Variants in STARD13 observed in about 807,000 individuals in gnomAD.
STARD13 encodes the protein StAR related lipid transfer domain containing 13, also known as stAR-related lipid transfer protein 13.
Under a neutral mutation model 106.4 loss-of-function variants are expected in STARD13, and 62 were observed. That is an observed-to-expected ratio of 0.58 (90% confidence interval 0.48 to 0.72). The LOEUF (loss-of-function observed/expected upper bound fraction) is 0.72, where lower values mean the gene tolerates loss of function less well. Among genes scored for constraint, STARD13 ranks in the 30% least tolerant of loss-of-function variants. The pLI is 0.00. For synonymous variants in STARD13, 565 were observed against 553.0 expected, an observed-to-expected ratio of 1.02 and a Z score of -0.31; for missense variants, 1,387 against 1,424.0, an observed-to-expected ratio of 0.97 and a Z score of 0.42.
chr13:33,496,623 A>T, the STARD13 span, among the ~76,000 whole-genome samples: 45,427 of 152,016 alleles, frequency 0.3, 7,660 homozygotes, highest in Non-Finnish European at 0.39. Context: ...CACATATAGT[A>T]TGTTTTTAAG....
At chr13:33,236,486 C>T (rs1382517573) in intron 1 of STARD13, among the ~76,000 whole-genome samples, 1 of 152,226 alleles carries the variant, frequency 6.6e-6, no homozygotes, top group East Asian at 1.9e-4. Context: ...GGTTAATCCT[C>T]TTAAGCCTTT....
At chr13:33,566,862 G>A in the STARD13 span, among the ~76,000 whole-genome samples, 9 of 147,934 alleles carry the variant, frequency 6.1e-5, 1 homozygote, top group East Asian at 1.8e-3. Flanking sequence ...GCTTACAGCA[G>A]GCCTACCATC....
rs111785137 is a variant in STARD13 at position 33,130,515 on chromosome 13, CT to C, written c.388-227del. ...AGAGGACCCTTCTCAACTTGCCAAA[CT>C]TTCTTCCTTCCCATTTTCAAAGAGG... On this transcript the variant is annotated intron_variant, in intron 4 of 13. Coordinates refer to ENST00000336934, the MANE Select transcript of STARD13 (RefSeq NM_178006.4). This position sits in a 1 kb window ranked among gnomAD's most constrained non-coding sequence, Gnocchi z 4.1. 2.0e-5 allele frequency among the ~76,000 whole-genome samples: 3 copies of C among 152,310 alleles called. No individual in the cohort carries two copies. The highest frequency in any genetic ancestry group is 7.2e-5 in the African/African-American group (3 of 41,578).
intron 1 of STARD13, among the ~76,000 whole-genome samples, chr13:33,324,321 G>C (rs559883839): frequency 1.1e-4 from 16 of 152,282 alleles, no homozygotes; most frequent in Admixed American, 9.2e-4. Context: ...CTATTAACTG[G>C]CATTTCCCCA....
chr13:33,332,412 G>A (rs1456320430), intron 1 of STARD13, among the ~76,000 whole-genome samples: 1 of 152,170 alleles, frequency 6.6e-6, no homozygotes, highest in East Asian at 1.9e-4. Flanking sequence ...GCTTTTAGGA[G>A]GTAATTAGGT....
At chr13:33,295,427 G>A (rs1266522799) in intron 1 of STARD13, among the ~76,000 whole-genome samples, 1 of 152,188 alleles carries the variant, frequency 6.6e-6, no homozygotes, top group African/African-American at 2.4e-5. Context: ...TTAACCAAAA[G>A]TGATCCTGGT....
chr13:33,299,991 A>C, intron 1 of STARD13, among the ~76,000 whole-genome samples: 1 of 152,242 alleles, frequency 6.6e-6, no homozygotes, highest in East Asian at 1.9e-4. Flanking sequence ...TCAGATCTTC[A>C]AAGGATGCTG....
chr13:33,365,546 T>C, the STARD13 span, among the ~76,000 whole-genome samples: 1 of 152,198 alleles, frequency 6.6e-6, no homozygotes, highest in African/African-American at 2.4e-5. Context: ...ATTTCCCTCC[T>C]TGACCCTTAG....
rs367598073 is a variant in STARD13, at chr13:33,205,905, T to C, written c.170-38283A>G. 56 of 985,444 alleles carry C rather than the reference T, an allele frequency of 5.7e-5. 1 individual carries two copies. In the East Asian group the frequency reaches 2.5e-3, roughly 44 times the overall value. 61.0% of individuals were successfully genotyped at this position (985,444 alleles called of 1,614,324 possible). On this transcript the variant is annotated intron_variant, in intron 1 of 13. Coordinates refer to ENST00000336934, the MANE Select transcript of STARD13 (RefSeq NM_178006.4). Reference sequence around the variant, plus strand: ...ATTCATTTTCAGCTTTCTTGAAAACTGCTCCTCAGAAACTGACAGATGGTG... The same window carrying C: ...ATTCATTTTCAGCTTTCTTGAAAACCGCTCCTCAGAAACTGACAGATGGTG...
the STARD13 span, among the ~76,000 whole-genome samples, chr13:33,609,081 G>A: frequency 5.8e-5 from 5 of 86,872 alleles, no homozygotes; most frequent in African/African-American, 2.1e-4. Context: ...GCGAGACTCC[G>A]TCTCAAAAAA....
the STARD13 span, among the ~76,000 whole-genome samples, chr13:33,651,526 G>C: frequency 6.6e-6 from 1 of 152,156 alleles, no homozygotes; most frequent in Non-Finnish European, 1.5e-5. Context: ...TAAATTATAT[G>C]ATTTGATCAT....
the STARD13 span, among the ~76,000 whole-genome samples, chr13:33,364,627 C>T: frequency 6.6e-5 from 10 of 152,208 alleles, no homozygotes; most frequent in Non-Finnish European, 1.2e-4. Flanking sequence ...CGGTGGCTCA[C>T]GCCTGTAATC....
chr13:33,629,756 AT>A, the STARD13 span, among the ~76,000 whole-genome samples: 1 of 152,194 alleles, frequency 6.6e-6, no homozygotes, highest in African/African-American at 2.4e-5. Flanking sequence ...TTTTAACATC[AT>A]TTTTTGAACT....
the STARD13 span, among the ~76,000 whole-genome samples, chr13:33,463,641 T>C: frequency 2.6e-5 from 4 of 152,100 alleles, no homozygotes; most frequent in Non-Finnish European, 5.9e-5. Flanking sequence ...TAGGGTAACA[T>C]AGTTGGAGGT....
chr13:33,483,971 AT>A, the STARD13 span, among the ~76,000 whole-genome samples: 1 of 152,256 alleles, frequency 6.6e-6, no homozygotes, highest in African/African-American at 2.4e-5. Flanking sequence ...AGAATTTCAG[AT>A]TTATATAAAG....
the STARD13 span, among the ~76,000 whole-genome samples, chr13:33,427,612 A>G: frequency 1.3e-5 from 2 of 152,210 alleles, no homozygotes; most frequent in Non-Finnish European, 2.9e-5. Flanking sequence ...GGTAGCCAGT[A>G]GTTATATACA....
chr13:33,421,317 C>A, the STARD13 span, among the ~76,000 whole-genome samples: 2 of 152,184 alleles, frequency 1.3e-5, no homozygotes, highest in Non-Finnish European at 2.9e-5. Context: ...ACTATAAACA[C>A]CTCTACATAA....
the STARD13 span, among the ~76,000 whole-genome samples, chr13:33,396,497 A>T: frequency 1.3e-5 from 2 of 152,186 alleles, no homozygotes; most frequent in Non-Finnish European, 2.9e-5. Flanking sequence ...CCCGAATGGC[A>T]CCTTTAAACT....
At chr13:33,636,126 C>T in the STARD13 span, among the ~76,000 whole-genome samples, 71 of 125,808 alleles carry the variant, frequency 5.6e-4, 1 homozygote, top group African/African-American at 2.2e-3. Flanking sequence ...GGTGACAGAG[C>T]GAGACTCTGT....
Sources: gnomAD v4.1 joint callset for allele counts (sites outside exome capture counted in the v4.1 genomes callset) on GRCh38, gnomAD v4.1.1 for gene constraint, Gnocchi (gnomAD v3.1) non-coding constraint, MANE v1.5 for transcripts, NCBI Gene and HGNC (gene_info 2026-07-23, HGNC 2026-07-21) for gene names.